Variants in ENPP2 observed in about 807,000 individuals in gnomAD.
ENPP2 encodes the protein ectonucleotide pyrophosphatase/phosphodiesterase 2.
A neutral mutation model predicts 120.2 loss-of-function variants in ENPP2; 51 were observed. That is an observed-to-expected ratio of 0.42 (90% CI 0.34 to 0.54). ENPP2 has a LOEUF of 0.54. Ranked by LOEUF, ENPP2 falls within the 20% of genes least tolerant of loss-of-function variation. The pLI is 0.04. For missense variants in ENPP2, 920 were observed against 1,066.5 expected, an observed-to-expected ratio of 0.86 and a Z score of 1.91; for synonymous variants, 365 against 366.4, an observed-to-expected ratio of 1.00 and a Z score of 0.04.
At chr8:119,558,955 C>T (rs1360413711) in intron 24 of ENPP2, among the ~76,000 whole-genome samples, 1 of 152,192 alleles carries the variant, frequency 6.6e-6, no homozygotes, top group African/African-American at 2.4e-5. Context: ...GGAACTGCAG[C>T]AGCTTGTGCC....
rs528821601 is a variant in ENPP2 at position 119,587,940 on chromosome 8, G to A, written c.1208-865C>T. Among the ~76,000 whole-genome samples, 4 of 152,296 alleles carry A rather than the reference G, an allele frequency of 2.6e-5. No homozygotes were observed. The South Asian group carries it at 8.3e-4, about 32-fold the overall frequency. On this transcript the variant is annotated intron_variant, in intron 13 of 24. Coordinates refer to ENST00000075322, the MANE Select transcript of ENPP2 (RefSeq NM_001040092.3). ...TGGCATCTAAATACCAGTGGAGCAGGCCTTATCTGTATCACGTGCTGCTGC... is the reference window on the plus strand; with the variant it reads ...TGGCATCTAAATACCAGTGGAGCAGACCTTATCTGTATCACGTGCTGCTGC...
At chr8:119,574,073 G>A (rs1182586878) in intron 19 of ENPP2, among the ~76,000 whole-genome samples, 1 of 152,068 alleles carries the variant, frequency 6.6e-6, no homozygotes, top group Admixed American at 6.6e-5. Context: ...AAGAAAGAGG[G>A]GGAAATAATC....
intron 1 of ENPP2, among the ~76,000 whole-genome samples, chr8:119,650,146 T>C (rs1334740742): frequency 6.6e-6 from 1 of 152,178 alleles, no homozygotes; most frequent in Non-Finnish European, 1.5e-5. Flanking sequence ...GGTGAAATAT[T>C]ACTCAGCAAT....
chr8:119,588,000 A>C (rs79067368), intron 13 of ENPP2, among the ~76,000 whole-genome samples: 2,059 of 152,254 alleles, frequency 0.014, 20 homozygotes, highest in South Asian at 0.037. Flanking sequence ...CACTCAATAT[A>C]CATTTGTTAA....
chr8:119,575,147 G>A (rs1414126957), intron 19 of ENPP2, among the ~76,000 whole-genome samples: 4 of 152,112 alleles, frequency 2.6e-5, no homozygotes, highest in Non-Finnish European at 5.9e-5. Flanking sequence ...ACCCTGAAAG[G>A]TACACTGGGC....
intron 2 of ENPP2, among the ~76,000 whole-genome samples, chr8:119,627,581 T>TG (rs1816367521): frequency 6.6e-6 from 1 of 151,776 alleles, no homozygotes. Context: ...CTAATTAAGG[T>TG]GGGGGCAAGG....
At chr8:119,648,003 C>T (rs1322805589) in intron 1 of ENPP2, among the ~76,000 whole-genome samples, 1 of 152,084 alleles carries the variant, frequency 6.6e-6, no homozygotes, top group Admixed American at 6.5e-5. Flanking sequence ...AAAATTCCAT[C>T]CCCAAAAAAA....
chr8:119,667,490 G>A (rs1055885979), intron 1 of ENPP2, among the ~76,000 whole-genome samples: 1 of 152,172 alleles, frequency 6.6e-6, no homozygotes, highest in Non-Finnish European at 1.5e-5. Flanking sequence ...ACATTAGAGG[G>A]AAAGACAGAC....
At chr8:119,637,044 G>T (rs1326939067) in intron 2 of ENPP2, among the ~76,000 whole-genome samples, 1 of 151,892 alleles carries the variant, frequency 6.6e-6, no homozygotes, top group South Asian at 2.1e-4. Flanking sequence ...AATATATTAA[G>T]AGGAAACAGA....
At chr8:119,624,065 T>G (rs574004549) in intron 3 of ENPP2, among the ~76,000 whole-genome samples, 3 of 152,230 alleles carry the variant, frequency 2.0e-5, no homozygotes, top group East Asian at 3.9e-4. Flanking sequence ...TATTGTGGGG[T>G]TTTTTCAATT....
At chr8:119,610,771 T>C (rs1461756922) in intron 8 of ENPP2, among the ~76,000 whole-genome samples, 1 of 151,854 alleles carries the variant, frequency 6.6e-6, no homozygotes, top group Non-Finnish European at 1.5e-5. Flanking sequence ...GGAGTCGTGA[T>C]AGGCACCTGT....
chr8:119,637,036 T>C (rs1318799930), intron 2 of ENPP2, among the ~76,000 whole-genome samples: 6 of 152,046 alleles, frequency 3.9e-5, no homozygotes, highest in Non-Finnish European at 7.4e-5. Context: ...GCCAGAGTAA[T>C]ATATTAAGAG....
At chr8:119,569,756 G>GTGTGTA (rs1160852221) in intron 20 of ENPP2, among the ~76,000 whole-genome samples, 2 of 151,536 alleles carry the variant, frequency 1.3e-5, no homozygotes, top group African/African-American at 4.8e-5. Context: ...GTGTGTGTGT[G>GTGTGTA]TGTGTGTGTG....
Position 119,600,736 on chromosome 8 carries a change from G to A in ENPP2, c.914C>T (p.Ala305Val), listed in dbSNP as rs779682254. The A allele has an allele frequency of 1.4e-5, 22 of 1,610,080 alleles. No individual in the cohort carries two copies. Among genetic ancestry groups the A allele is most frequent in the Non-Finnish European group, 1.8e-5 (21 of 1,176,604 alleles). ...LPDHERPSVYAFYSEQPDFSG... is the reference protein window; with the variant it reads ...LPDHERPSVYVFYSEQPDFSG... Reference sequence around the variant, plus strand: ...GAAATCAGGTTGCTCAGAATAGAAGGCATAGACCGAAGGCCTATAAGAAAA... The same window carrying A: ...GAAATCAGGTTGCTCAGAATAGAAGACATAGACCGAAGGCCTATAAGAAAA... The change falls in exon 11 of 25, where the codon GCC becomes GTC. Residue 305 changes from alanine to valine, a missense_variant. Ala to Val is a moderately conservative substitution (Grantham distance 64). Transcript: ENST00000075322.
rs1425695504 is a variant in ENPP2, at chr8:119,594,134, T to C, written c.973-274A>G. Among the ~76,000 whole-genome samples the C allele has an allele frequency of 2.0e-5, 3 of 152,202 alleles. 1 individual carries two copies. Among genetic ancestry groups the C allele is most frequent in the African/African-American group, 7.2e-5 (3 of 41,454 alleles). ...AAAAATATTGTTAATGAAAATTCTTTAAGAGAGAAAATCGACTTTCTAATA... is the reference window on the plus strand; with the variant it reads ...AAAAATATTGTTAATGAAAATTCTTCAAGAGAGAAAATCGACTTTCTAATA... On this transcript the variant is annotated intron_variant, in intron 11 of 24. Coordinates refer to ENST00000075322, the MANE Select transcript of ENPP2 (RefSeq NM_001040092.3).
chr8:119,572,351 T>G, intron 19 of ENPP2: 1 of 894,332 alleles, frequency 1.1e-6, no homozygotes, highest in South Asian at 1.5e-5. Flanking sequence ...AAATTCAAGC[T>G]TGGCATCTAA....
chr8:119,590,380 G>A lies in ENPP2; in HGVS notation c.1207+125C>T, dbSNP rs147039523. The A allele has an allele frequency of 8.6e-5, 53 of 617,994 alleles. No individual in the cohort carries two copies. In the East Asian group the frequency reaches 1.6e-3, roughly 18 times the overall value. 38.3% of individuals were successfully genotyped at this position (617,994 alleles called of 1,614,324 possible). On this transcript the variant is annotated intron_variant, in intron 13 of 24. Coordinates refer to ENST00000075322, the MANE Select transcript of ENPP2 (RefSeq NM_001040092.3). ...TTAGAGTCTAAATGACTTATTTAAGGTCACTCAGCTAAGCGGTAGCAGAGC... is the reference window on the plus strand; with the variant it reads ...TTAGAGTCTAAATGACTTATTTAAGATCACTCAGCTAAGCGGTAGCAGAGC...
rs147577594 is a variant in ENPP2 at position 119,613,707 on chromosome 8, A to G, written c.777+2558T>C. Among the ~76,000 whole-genome samples, 1,281 of 152,232 alleles carry G rather than the reference A, an allele frequency of 8.4e-3. 11 individuals carry two copies. The highest frequency in any genetic ancestry group is 0.029 in the African/African-American group (1,199 of 41,552). On this transcript the variant is annotated intron_variant, in intron 8 of 24. Transcript: ENST00000075322. ...TACTTTTAGTTGCTTATACTCTTAT[A>G]CTTTGACTAAAGTTTCTTTTTAATT...
In ENPP2 at chr8:119,616,376, A is replaced by G; in HGVS notation, c.666T>C (p.Tyr222=). The G allele has an allele frequency of 1.9e-6, 3 of 1,595,278 alleles. No homozygotes were observed. Among genetic ancestry groups the G allele is most frequent in the Non-Finnish European group, 2.6e-6 (3 of 1,166,338 alleles). The part of the protein sequence containing the change: ...PNLYTLATGL[Y]PESHGIVGNS... The stretch of plus-strand genomic sequence containing the variant: ...TGCCAACAATTCCATGTGATTCTGG[A>G]TATAGCCCCTTTTTGTAAAAGCAAA... The change falls in exon 8 of 25, where the codon TAT becomes TAC. Residue 222 remains tyrosine (Y), a synonymous_variant. Transcript: ENST00000075322.
Sources: allele counts gnomAD v4.1 joint callset (sites outside exome capture counted in the v4.1 genomes callset), GRCh38; gene constraint gnomAD v4.1.1; transcripts MANE v1.5; gene names NCBI Gene and HGNC (gene_info 2026-07-23, HGNC 2026-07-21).